Variants in TMPRSS2 observed in about 807,000 individuals in gnomAD.
TMPRSS2 encodes the protein transmembrane protease serine 2.
Under a neutral mutation model 67.4 loss-of-function variants are expected in TMPRSS2, and 59 were observed. The observed-to-expected ratio is 0.88, with a 90% CI of 0.71 to 1.09. The LOEUF is 1.09. Among genes scored for constraint, TMPRSS2 ranks in the 50% least tolerant of loss-of-function variants. TMPRSS2 has a pLI of 0.00. For synonymous variants in TMPRSS2, 257 were observed against 257.0 expected (o/e 1.00, Z 0.00); for missense variants, 668 against 642.7 (o/e 1.04, Z -0.43).
In TMPRSS2 at chr21:41,478,875, G is replaced by A. The variant is rs183147330; in HGVS notation, c.683+297C>T. ...ATAGGTACACCTCTAAATGTCTGAA[G>A]AGGAAAGAAAACTAAATAGAGTTGA... On this transcript the variant is annotated intron_variant, in intron 7 of 13. Transcript: ENST00000332149. The surrounding 1 kb of genome is among the most constrained non-coding windows in gnomAD (Gnocchi z 4.0). Among the ~76,000 whole-genome samples the A allele has an allele frequency of 6.6e-6, 1 of 152,338 alleles. No homozygotes were observed. Among genetic ancestry groups the A allele is most frequent in the Non-Finnish European group, 1.5e-5 (1 of 68,028 alleles).
intron 5 of TMPRSS2, among the ~76,000 whole-genome samples, chr21:41,482,230 G>A (rs112314978): frequency 1.1e-4 from 16 of 152,066 alleles, no homozygotes; most frequent in South Asian, 2.1e-4. Flanking sequence ...CGTTGAAGTC[G>A]CTCCCTATTC....
At chr21:41,468,858 C>T (rs919275353) in intron 11 of TMPRSS2, 9 of 285,972 alleles carry the variant, frequency 3.1e-5, no homozygotes, top group Admixed American at 1.3e-4. Flanking sequence ...TCTGCTGAAC[C>T]AATTTCCCAC....
intron 3 of TMPRSS2, among the ~76,000 whole-genome samples, chr21:41,491,651 G>A (rs1026133143): frequency 4.6e-5 from 7 of 152,170 alleles, no homozygotes; most frequent in East Asian, 1.9e-4. Context: ...ATGGCTTCCC[G>A]AGTGCCATTT....
chr21:41,498,073 C>A (rs992588558), intron 2 of TMPRSS2, 46 bp downstream of exon 2: 1 of 1,409,110 alleles, frequency 7.1e-7, no homozygotes, highest in Non-Finnish European at 1.0e-6. Flanking sequence ...ACAGAAGGGA[C>A]AAGGGAACAA....
chr21:41,481,083 TC>T, intron 5 of TMPRSS2, among the ~76,000 whole-genome samples: 1 of 152,286 alleles, frequency 6.6e-6, no homozygotes, highest in Middle Eastern at 3.4e-3. Context: ...TAAAAAGTGC[TC>T]TCTACACAAG....
chr21:41,499,452 C>G (rs907697283), intron 1 of TMPRSS2, among the ~76,000 whole-genome samples: 1 of 152,162 alleles, frequency 6.6e-6, no homozygotes, highest in Non-Finnish European at 1.5e-5. Flanking sequence ...GTCAGTTTAG[C>G]CAGAACCTCC....
At chr21:41,492,307 C>T (rs1433028672) in intron 3 of TMPRSS2, among the ~76,000 whole-genome samples, 7 of 152,236 alleles carry the variant, frequency 4.6e-5, no homozygotes, top group African/African-American at 1.7e-4. Context: ...TGGTTTCTCA[C>T]GTTTAGCTGC....
In TMPRSS2 at chr21:41,494,509, G is replaced by GA. The variant is rs758190152; in HGVS notation, c.84_85insT (p.Gln29SerfsTer54). 6.9e-5 allele frequency: 111 copies of GA among 1,614,020 alleles called. No homozygotes were observed. The highest frequency in any genetic ancestry group is 9.1e-5 in the Non-Finnish European group (107 of 1,180,030). The stretch of plus-strand genomic sequence containing the variant: ...TAGACAGTGGGGACCACAGTGGGCT[G>GA]TGCGGGATAGGGGTTTTCCGGTTGG... On this transcript the variant is annotated frameshift_variant, in exon 3 of 14. Coordinates refer to ENST00000332149, the MANE Select transcript of TMPRSS2 (RefSeq NM_005656.4). LOFTEE classifies it high-confidence loss of function.
chr21:41,494,306 A>C (rs766825072), intron 3 of TMPRSS2, 50 bp downstream of exon 3: 2 of 1,598,088 alleles, frequency 1.3e-6, no homozygotes, highest in South Asian at 2.2e-5. Context: ...GGGGAGGTAG[A>C]CCCGGGACCC....
rs1000072663 is a variant in TMPRSS2 at position 41,471,057 on chromosome 21, A to G, written c.1076-314T>C. ...AAAGACACACAGGAGGCAACAGCCA[A>G]AAAGCCGATGGAGTCAATGGAGTCA... On this transcript the variant is annotated intron_variant, in intron 10 of 13. Transcript: ENST00000332149. Among the ~76,000 whole-genome samples, 36 of 152,238 alleles carry G rather than the reference A, an allele frequency of 2.4e-4. No homozygotes were observed. The East Asian group carries it at 6.9e-3, about 29-fold the overall frequency.
intron 5 of TMPRSS2, 36 bp from the exon 6 acceptor site, chr21:41,480,638 CTTTT>C (rs371907426): frequency 1.4e-5 from 23 of 1,599,956 alleles, no homozygotes; most frequent in Non-Finnish European, 1.5e-5. Flanking sequence ...GAGTTTCTTT[CTTTT>C]TTTTTCTTTT....
At chr21:41,496,829 CTTTTTTTTTTTTTTT>C (rs66730350) in intron 2 of TMPRSS2, among the ~76,000 whole-genome samples, 1 of 68,472 alleles carries the variant, frequency 1.5e-5, no homozygotes, top group East Asian at 3.9e-4. Context: ...TCTCTCTCTC[CTTTTTTTTTTTTTTT>C]TTTTTTTTTT....
chr21:41,473,372 G>A lies in TMPRSS2; in HGVS notation c.852C>T (p.Ser284=), dbSNP rs2091151935. ...HVQNVHVCGG[S]IITPEWIVTA... ...TCACGATCCACTCGGGGGTGATGAT[G>A]GAGCCTCCGCACACGTGGACGTTCT... The change falls in exon 9 of 14, where the codon TCC becomes TCT. Residue 284 remains serine (S), a synonymous_variant. Coordinates refer to ENST00000332149, the MANE Select transcript of TMPRSS2 (RefSeq NM_005656.4). 1.9e-6 allele frequency: 3 copies of A among 1,609,714 alleles called. No homozygotes were observed. The South Asian group carries it at 3.3e-5, about 18-fold the overall frequency.
intron 1 of TMPRSS2, among the ~76,000 whole-genome samples, chr21:41,507,597 AAGG>A (rs1371148883): frequency 6.6e-6 from 1 of 152,192 alleles, no homozygotes; most frequent in Non-Finnish European, 1.5e-5. Flanking sequence ...CAAGAAGCAG[AAGG>A]AGTTCAGGTA....
chr21:41,468,439 A>C lies in TMPRSS2; in HGVS notation c.1271T>G (p.Met424Arg). 1 of 1,614,220 alleles carries C rather than the reference A, an allele frequency of 6.2e-7. No individual in the cohort carries two copies. Among genetic ancestry groups the C allele is most frequent in the Non-Finnish European group, 8.5e-7 (1 of 1,180,038 alleles). ...CCCCTGCAGGAAGCCGGCACAGATC[A>C]TGGCTGGTGTGATCAGGTTGTCATA... ...YVYDNLITPA[M>R]ICAGFLQGNV... Residue 424 changes from methionine (M) to arginine (R), a missense_variant, in exon 12 of 14, where the codon ATG becomes AGG. Coordinates refer to ENST00000332149, the MANE Select transcript of TMPRSS2 (RefSeq NM_005656.4).
rs567039032 is a variant in TMPRSS2 at position 41,485,632 on chromosome 21, G to A, written c.445+2762C>T. 4.3e-5 allele frequency among the ~76,000 whole-genome samples: 6 copies of A among 139,462 alleles called. No individual in the cohort carries two copies. In the South Asian group the frequency reaches 1.4e-3, roughly 32 times the overall value. The allele number at this position is 139,462 out of a possible 152,430, so 91.5% of individuals were successfully genotyped here. On this transcript the variant is annotated intron_variant, in intron 5 of 13. Coordinates refer to ENST00000332149, the MANE Select transcript of TMPRSS2 (RefSeq NM_005656.4). ...CCTCTGCACTCCAGCCTGGGCAACA[G>A]AGTGAAACCCTGTCTCCAGGAAAAA...
At chr21:41,494,803 G>A in intron 2 of TMPRSS2, 2 of 574,600 alleles carry the variant, frequency 3.5e-6, no homozygotes, top group East Asian at 6.8e-5. Context: ...GGGTGCGGTG[G>A]CTCATGCCTG....
At chr21:41,498,712 C>A (rs1226410994) in intron 1 of TMPRSS2, among the ~76,000 whole-genome samples, 1 of 152,148 alleles carries the variant, frequency 6.6e-6, no homozygotes, top group Non-Finnish European at 1.5e-5. Flanking sequence ...GTAACTAAAC[C>A]CATCAATGTC....
Position 41,471,799 on chromosome 21 carries a change from C to A in TMPRSS2, c.1075+7G>T. 1 of 1,592,918 alleles carries A rather than the reference C, an allele frequency of 6.3e-7. No homozygotes were observed. The highest frequency in any genetic ancestry group is 8.6e-7 in the Non-Finnish European group (1 of 1,165,206). On this transcript the variant is annotated splice_region_variant and intron_variant, in intron 10 of 13. Transcript: ENST00000332149. ...CAACCTGCTTGCCAAGCCTGAGCCA[C>A]ACGTACCGTTGAAAGTCAGAGGCTT... is the stretch of plus-strand genomic sequence containing the variant.
Sources: allele counts gnomAD v4.1 joint callset (sites outside exome capture counted in the v4.1 genomes callset), GRCh38; gene constraint gnomAD v4.1.1; non-coding constraint Gnocchi (gnomAD v3.1); transcripts MANE v1.5; gene names NCBI Gene and HGNC (gene_info 2026-07-23, HGNC 2026-07-21).